Variants in ABCC2 observed in about 807,000 individuals in gnomAD.
ABCC2 encodes the protein ATP binding cassette subfamily C member 2, also known as ATP-binding cassette sub-family C member 2.
In ABCC2, 157 loss-of-function variants were observed where a neutral mutation model predicts 173.4. The observed-to-expected ratio is 0.91, with a 90% CI of 0.80 to 1.03. ABCC2 has a LOEUF of 1.03. Ranked by LOEUF, ABCC2 falls within the 50% of genes least tolerant of loss-of-function variation. The pLI is 0.00. For missense variants in ABCC2, 1,822 were observed against 1,852.3 expected, an observed-to-expected ratio of 0.98 and a Z score of 0.30; for synonymous variants, 657 against 693.5, an observed-to-expected ratio of 0.95 and a Z score of 0.83.
chr10:99,819,325 T>C lies in ABCC2; in HGVS notation c.2620+56T>C, dbSNP rs77153111. ...CTTGGGCCATGGGTGGAATGGTAAA[T>C]CAATATCTAATTCCTGAACTGCTCA... On this transcript the variant is annotated intron_variant, in intron 19 of 31. Transcript: ENST00000647814. The C allele has an allele frequency of 9.0e-3, 13,678 of 1,522,182 alleles. 424 individuals are homozygous for C. The African/African-American group carries it at 0.096, about 11-fold the overall frequency. 94.3% of individuals were successfully genotyped at this position (1,522,182 alleles called of 1,614,324 possible).
At position 99,804,246 on chromosome 10, in the gene ABCC2, A is replaced by T; in HGVS notation, c.1437A>T (p.Ile479=). The change falls in exon 10 of 32, where the codon ATA becomes ATT. Residue 479 remains isoleucine, a synonymous_variant. Coordinates refer to ENST00000647814, the MANE Select transcript of ABCC2 (RefSeq NM_000392.5). ...VMVLVIPINA[I]LSTKSKTIQV... ...TGCTTGTAATCCCAATTAATGCGAT[A>T]CTGTCCACCAAGAGTAAGACCATTC... The T allele has an allele frequency of 6.2e-7, 1 of 1,614,132 alleles. No individual in the cohort carries two copies. Among genetic ancestry groups the T allele is most frequent in the Non-Finnish European group, 8.5e-7 (1 of 1,180,004 alleles).
intron 2 of ABCC2, chr10:99,788,545 T>C (rs1285285779): frequency 1.3e-5 from 2 of 152,278 alleles, no homozygotes; most frequent in Admixed American, 1.3e-4. Context: ...TAAAATCGAG[T>C]TAATATATTC....
In ABCC2 at chr10:99,797,093, C is replaced by G; in HGVS notation, c.633-4C>G. On this transcript the variant is annotated splice_region_variant and splice_polypyrimidine_tract_variant and intron_variant, in intron 6 of 31. Coordinates refer to ENST00000647814, the MANE Select transcript of ABCC2 (RefSeq NM_000392.5). ...TCTCAGCCTGTGGTTCGCTCTTGTTCCAGCATCATTCTGAAAGGCTACAAG... is the reference window on the plus strand; with the variant it reads ...TCTCAGCCTGTGGTTCGCTCTTGTTGCAGCATCATTCTGAAAGGCTACAAG... The G allele has an allele frequency of 1.9e-6, 3 of 1,613,808 alleles. No individual in the cohort carries two copies. Among genetic ancestry groups the G allele is most frequent in the Non-Finnish European group, 2.5e-6 (3 of 1,179,822 alleles).
chr10:99,799,421 C>G (rs1301036476), intron 8 of ABCC2, 51 bp downstream of exon 8: 1 of 1,599,834 alleles, frequency 6.3e-7, no homozygotes, highest in East Asian at 2.2e-5. Context: ...CTGCCACCCT[C>G]CTTTTTGCCA....
rs1564685673 is a variant in ABCC2, at chr10:99,814,630, T to TGTGTATATACACATACACACAC, written c.2094+1486_2094+1487insGTGTATATACACATACACACAC. ...ATGTGTATATACACATATACACACA[T>TGTGTATATACACATACACACAC]ATGTGTATATACACATATACACACA... On this transcript the variant is annotated intron_variant, in intron 16 of 31. Coordinates refer to ENST00000647814, the MANE Select transcript of ABCC2 (RefSeq NM_000392.5). Among the ~76,000 whole-genome samples, 20 of 94,552 alleles carry TGTGTATATACACATACACACAC rather than the reference T, an allele frequency of 2.1e-4. 1 individual carries two copies. The highest frequency in any genetic ancestry group is 3.8e-4 in the Non-Finnish European group (17 of 45,068). 62.0% of individuals were successfully genotyped at this position (94,552 alleles called of 152,430 possible).
At chr10:99,793,859 G>A (rs372707938) in intron 4 of ABCC2, 33 bp from the exon 5 acceptor site, 4 of 1,593,324 alleles carry the variant, frequency 2.5e-6, no homozygotes, top group South Asian at 1.1e-5. Context: ...TGGACAAAAG[G>A]CTCATTTTTC....
chr10:99,812,664 G>A lies in ABCC2; in HGVS notation c.1968-354G>A, dbSNP rs945787553. ...CATAGACCAGCAGTGTCAGGGTTGG[G>A]ACTTGAACCAAGCCAGGTCTCCAGG... On this transcript the variant is annotated intron_variant, in intron 15 of 31. Coordinates refer to ENST00000647814, the MANE Select transcript of ABCC2 (RefSeq NM_000392.5). 3.3e-5 allele frequency among the ~76,000 whole-genome samples: 5 copies of A among 152,184 alleles called. No homozygotes were observed. In the East Asian group the frequency reaches 9.6e-4, roughly 29 times the overall value.
At chr10:99,835,927 C>T (rs774557770) in intron 24 of ABCC2, among the ~76,000 whole-genome samples, 164 bp from the exon 25 acceptor site, 58 of 152,156 alleles carry the variant, frequency 3.8e-4, no homozygotes, top group Non-Finnish European at 4.7e-4. Context: ...TCCTCGGAGC[C>T]TCTCATCATT....
chr10:99,793,718 G>A (rs1241778722), intron 4 of ABCC2, 33 bp downstream of exon 4: 13 of 1,613,742 alleles, frequency 8.1e-6, no homozygotes, highest in Non-Finnish European at 1.1e-5. Flanking sequence ...ACATGAGGAG[G>A]TACCATGGGG....
chr10:99,815,479 A>G lies in ABCC2; in HGVS notation c.2095-1829A>G, dbSNP rs143461881. On this transcript the variant is annotated intron_variant, in intron 16 of 31. Transcript: ENST00000647814. The stretch of plus-strand genomic sequence containing the variant: ...CCAAAGTGCTGGGATTATATGGGTA[A>G]GCCACTGGGACTGGCTAATTATGCT... 5.8e-3 allele frequency among the ~76,000 whole-genome samples: 882 copies of G among 152,184 alleles called. 5 individuals carry two copies. Among genetic ancestry groups the G allele is most frequent in the African/African-American group, 0.021 (861 of 41,526 alleles).
chr10:99,794,803 C>T (rs533840175), intron 6 of ABCC2, among the ~76,000 whole-genome samples: 4 of 152,060 alleles, frequency 2.6e-5, no homozygotes, highest in Admixed American at 6.6e-5. Flanking sequence ...GGCCTCTCTA[C>T]GTGCTGGGAT....
chr10:99,848,060 G>A (rs2039043015), intron 30 of ABCC2, among the ~76,000 whole-genome samples: 1 of 152,228 alleles, frequency 6.6e-6, no homozygotes, highest in East Asian at 1.9e-4. Flanking sequence ...CTGGCTGCCT[G>A]GTCCAATCCT....
intron 6 of ABCC2, among the ~76,000 whole-genome samples, chr10:99,795,792 A>T (rs1200025603): frequency 1.1e-5 from 1 of 93,962 alleles, no homozygotes; most frequent in South Asian, 3.6e-4. Context: ...AGAAAGAAAG[A>T]AAGAAAGAAA....
At chr10:99,794,359 C>A in intron 5 of ABCC2, 54 bp from the exon 6 acceptor site, 1 of 1,476,722 alleles carries the variant, frequency 6.8e-7, no homozygotes, top group Non-Finnish European at 9.5e-7. Flanking sequence ...TTTAGAGTCC[C>A]ATGAAGTTCC....
At chr10:99,832,333 G>C (rs1365779695) in intron 23 of ABCC2, among the ~76,000 whole-genome samples, 1 of 152,164 alleles carries the variant, frequency 6.6e-6, no homozygotes, top group Non-Finnish European at 1.5e-5. Context: ...CCTTCAAGTA[G>C]CTCAGCATCT....
At chr10:99,811,384 C>G in intron 14 of ABCC2, 152 bp from the exon 15 acceptor site, 2 of 758,678 alleles carry the variant, frequency 2.6e-6, no homozygotes, top group South Asian at 3.0e-5. Context: ...TGGTCTCATT[C>G]TAGGAGATTT....
chr10:99,784,928 A>C, intron 2 of ABCC2, 147 bp downstream of exon 2: 2 of 969,028 alleles, frequency 2.1e-6, no homozygotes, highest in Non-Finnish European at 3.1e-6. Context: ...GGTTTCCCTC[A>C]CGGGTCCCTT....
intron 27 of ABCC2, 91 bp from the exon 28 acceptor site, chr10:99,844,231 C>G: frequency 6.6e-7 from 1 of 1,516,296 alleles, no homozygotes; most frequent in Non-Finnish European, 9.1e-7. Context: ...CACTGCTACC[C>G]TTCTCCTGTT....
intron 17 of ABCC2, among the ~76,000 whole-genome samples, chr10:99,818,407 A>C (rs1214764834): frequency 2.0e-5 from 3 of 152,220 alleles, no homozygotes; most frequent in African/African-American, 7.2e-5. Context: ...ATTAATGAAG[A>C]TACAGCTCTG....
Sources: gnomAD v4.1 joint callset for allele counts (sites outside exome capture counted in the v4.1 genomes callset) on GRCh38, gnomAD v4.1.1 for gene constraint, MANE v1.5 for transcripts, NCBI Gene and HGNC (gene_info 2026-07-23, HGNC 2026-07-21) for gene names.